Variants in CISD3 observed in about 807,000 individuals in gnomAD.
CISD3 encodes the protein CDGSH iron-sulfur domain-containing protein 3, mitochondrial.
Under a neutral mutation model 14.1 loss-of-function variants are expected in CISD3, and 11 were observed. The observed-to-expected ratio is 0.78, with a 90% CI of 0.49 to 1.29. CISD3 has a LOEUF of 1.29. Among genes scored for constraint, CISD3 ranks in the 50% most tolerant of loss-of-function variants. CISD3 has a pLI of 0.00. For synonymous variants in CISD3, 53 were observed against 69.2 expected (o/e 0.77, Z 1.16); for missense variants, 156 against 171.6 (o/e 0.91, Z 0.51).
Position 38,730,770 on chromosome 17 carries a change from C to A in CISD3, c.59C>A (p.Pro20Gln), listed in dbSNP as rs1284720245. 5 of 1,551,760 alleles carry A rather than the reference C, an allele frequency of 3.2e-6. No individual in the cohort carries two copies. The highest frequency in any genetic ancestry group is 4.4e-6 in the Non-Finnish European group (5 of 1,146,976). ...PAARGARDLN[P>Q]RRDISSWLAQ... The stretch of plus-strand genomic sequence containing the variant: ...TTGCGTACCTTGCAGGACCTGAACC[C>A]GCGGCGGGACATCTCCTCCTGGCTG... The change falls in exon 2 of 4, where the codon CCG becomes CAG. Residue 20 changes from proline (P) to glutamine (Q), a missense_variant. By Grantham distance (76) the Pro-to-Gln change is moderately conservative. Transcript: ENST00000613478.
chr17:38,730,754 T>C lies in CISD3; in HGVS notation c.49-6T>C. ...GTGATGCCTGCCATGCTTGCGTACC[T>C]TGCAGGACCTGAACCCGCGGCGGGA... On this transcript the variant is annotated splice_region_variant and splice_polypyrimidine_tract_variant and intron_variant, in intron 1 of 3. Coordinates refer to ENST00000613478, the MANE Select transcript of CISD3 (RefSeq NM_001136498.2). 6.4e-7 allele frequency: 1 copy of C among 1,551,804 alleles called. No individual in the cohort carries two copies. Among genetic ancestry groups the C allele is most frequent in the Non-Finnish European group, 8.7e-7 (1 of 1,146,986 alleles).
At chr17:38,730,634 G>GC in intron 1 of CISD3, 126 bp from the exon 2 acceptor site, 1 of 968,368 alleles carries the variant, frequency 1.0e-6, no homozygotes, top group South Asian at 1.4e-5. Flanking sequence ...TTCCTCCCTC[G>GC]CCCCTTCAGC....
chr17:38,733,266 C>A lies in CISD3; in HGVS notation c.205-10C>A. The A allele has an allele frequency of 6.4e-7, 1 of 1,551,354 alleles. No homozygotes were observed. The highest frequency in any genetic ancestry group is 8.7e-7 in the Non-Finnish European group (1 of 1,146,950). On this transcript the variant is annotated splice_polypyrimidine_tract_variant and intron_variant, in intron 3 of 3. Coordinates refer to ENST00000613478, the MANE Select transcript of CISD3 (RefSeq NM_001136498.2). ...GGTCAGGTCTTTGACTCCTGTCTTT[C>A]CCCCACCAGCCCTTCTGTGACGGCT...
chr17:38,730,464 G>A (rs1598007902), intron 1 of CISD3, 58 bp downstream of exon 1: 3 of 1,193,468 alleles, frequency 2.5e-6, no homozygotes, highest in South Asian at 1.9e-5. Context: ...GCCCCTGCCA[G>A]CCCCCACTCC....
intron 3 of CISD3, among the ~76,000 whole-genome samples, 190 bp from the exon 4 acceptor site, chr17:38,733,086 T>G (rs1361641481): frequency 6.6e-6 from 1 of 152,098 alleles, no homozygotes; most frequent in African/African-American, 2.4e-5. Context: ...ATATTTTATT[T>G]CCTCATACAA....
chr17:38,735,542 G>A lies in CISD3; in HGVS notation c.*2087G>A. The A allele has an allele frequency of 6.3e-7, 1 of 1,587,722 alleles. No individual in the cohort carries two copies. Among genetic ancestry groups the A allele is most frequent in the African/African-American group, 1.3e-5 (1 of 74,500 alleles). ...GCCCTCGGAGGGGGTGGGCACCGTGGCTAGGGTGAGCCGCTTGCAGGCTGG... is the reference window on the plus strand; with the variant it reads ...GCCCTCGGAGGGGGTGGGCACCGTGACTAGGGTGAGCCGCTTGCAGGCTGG... On this transcript the variant is annotated 3_prime_UTR_variant, in exon 4 of 4. Coordinates refer to ENST00000613478, the MANE Select transcript of CISD3 (RefSeq NM_001136498.2).
At chr17:38,731,788 C>T in intron 3 of CISD3, 1 of 273,646 alleles carries the variant, frequency 3.7e-6, no homozygotes, top group Non-Finnish European at 7.2e-6. Context: ...GATTCCCAGG[C>T]CTTGAACCCC....
rs1230650921 is a variant in CISD3, at chr17:38,730,473, C to T, written c.48+67C>T. ...AGCCGGGCCCCTGCCAGCCCCCACT[C>T]CAGCCCCGGCCCGGCCGAGCATCCC... On this transcript the variant is annotated intron_variant, in intron 1 of 3. Transcript: ENST00000613478. 10 of 1,177,388 alleles carry T rather than the reference C, an allele frequency of 8.5e-6. No homozygotes were observed. The African/African-American group carries it at 9.5e-5, about 11-fold the overall frequency. The allele number at this position is 1,177,388 out of a possible 1,614,324, so 72.9% of individuals were successfully genotyped here. A position where few individuals can be genotyped will look rare whatever the true frequency, so the allele number is the denominator to read the frequency against.
chr17:38,731,957 C>T (rs1429234393), intron 3 of CISD3: 1 of 154,792 alleles, frequency 6.5e-6, no homozygotes, highest in Non-Finnish European at 1.4e-5. Flanking sequence ...TCTCCTGCCT[C>T]CAAAGCCTCC....
At chr17:38,731,513 C>T in intron 3 of CISD3, 74 bp downstream of exon 3, 1 of 1,535,228 alleles carries the variant, frequency 6.5e-7, no homozygotes. Context: ...AGTTCCCACC[C>T]AGGATGATCT....
rs534053659 is a variant in CISD3, at chr17:38,735,163, C to T, written c.*1708C>T. The T allele has an allele frequency of 3.7e-5, 47 of 1,266,830 alleles. No homozygotes were observed. In the African/African-American group the frequency reaches 7.0e-4, roughly 19 times the overall value. 78.5% of individuals were successfully genotyped at this position (1,266,830 alleles called of 1,614,324 possible). ...AAAGTAGAAGAGGTGGAAAAAAGGG[C>T]CCAGAAAAAGTGGAAGGAGTGGAGA... is the stretch of plus-strand genomic sequence containing the variant. On this transcript the variant is annotated 3_prime_UTR_variant, in exon 4 of 4. Coordinates refer to ENST00000613478, the MANE Select transcript of CISD3 (RefSeq NM_001136498.2).
At chr17:38,730,853 A>C in intron 2 of CISD3, 58 bp downstream of exon 2, 43 of 1,490,340 alleles carry the variant, frequency 2.9e-5, no homozygotes, top group Non-Finnish European at 3.7e-5. Context: ...CGGAGATCTC[A>C]AAGGCAGAAA....
chr17:38,731,513 C>G, intron 3 of CISD3, 74 bp downstream of exon 3: 1 of 1,535,228 alleles, frequency 6.5e-7, no homozygotes, highest in Non-Finnish European at 8.8e-7. Context: ...AGTTCCCACC[C>G]AGGATGATCT....
chr17:38,731,027 G>A (rs2143731495), intron 2 of CISD3: 6 of 635,332 alleles, frequency 9.4e-6, no homozygotes, highest in Non-Finnish European at 1.6e-5. Context: ...CCCTGCCGTA[G>A]GCTGGAAGGA....
chr17:38,732,839 C>T (rs1201443179), intron 3 of CISD3, among the ~76,000 whole-genome samples: 4 of 151,922 alleles, frequency 2.6e-5, no homozygotes, highest in Admixed American at 6.6e-5. Flanking sequence ...TCCCTGGAGC[C>T]AAACAAAATT....
intron 2 of CISD3, 163 bp downstream of exon 2, chr17:38,730,958 C>T: frequency 1.4e-6 from 1 of 713,300 alleles, no homozygotes. Context: ...CTGGGCAGGG[C>T]GCCAGTCTTC....
chr17:38,730,448 A>C, intron 1 of CISD3, 42 bp downstream of exon 1: 5 of 1,253,460 alleles, frequency 4.0e-6, no homozygotes, highest in South Asian at 4.0e-5. Context: ...CCCGAACCCC[A>C]GCCGGGCCCC....
rs1860837 is a variant in CISD3 at position 38,734,766 on chromosome 17, G to A, written c.*1311G>A. 151,583 of 153,772 alleles carry A rather than the reference G, an allele frequency of 0.99. 74,752 individuals are homozygous for A. The highest frequency in any genetic ancestry group is 1 in the Middle Eastern group (300 of 300). The allele number at this position is 153,772 out of a possible 1,614,324, so 9.5% of individuals were successfully genotyped here. A position where few individuals can be genotyped will look rare whatever the true frequency, so the allele number is the denominator to read the frequency against. On this transcript the variant is annotated 3_prime_UTR_variant, in exon 4 of 4. Coordinates refer to ENST00000613478, the MANE Select transcript of CISD3 (RefSeq NM_001136498.2). ...GAGAGAAACGGGGAGAGAAAGAAAC[G>A]ATTCTAACTGACTCCTATATGCAGC...
At position 38,733,848 on chromosome 17, in the gene CISD3, G is replaced by T. The variant is rs1394752851; in HGVS notation, c.*393G>T. The stretch of plus-strand genomic sequence containing the variant: ...CCCAAGCCAGGCTAAACCCAGAGAT[G>T]AGAGGCACCCTTCCCTTCTTCCCTC... On this transcript the variant is annotated 3_prime_UTR_variant, in exon 4 of 4. Coordinates refer to ENST00000613478, the MANE Select transcript of CISD3 (RefSeq NM_001136498.2). 5 of 192,718 alleles carry T rather than the reference G, an allele frequency of 2.6e-5. No homozygotes were observed. The highest frequency in any genetic ancestry group is 5.3e-5 in the Non-Finnish European group (5 of 94,964). The allele number at this position is 192,718 out of a possible 1,614,324, so 11.9% of individuals were successfully genotyped here.
Sources: gnomAD v4.1 joint callset for allele counts (sites outside exome capture counted in the v4.1 genomes callset) on GRCh38, gnomAD v4.1.1 for gene constraint, MANE v1.5 for transcripts, NCBI Gene and HGNC (gene_info 2026-07-23, HGNC 2026-07-21) for gene names.